The following RB1 variants were observed in gnomAD, a reference collection of about 807,000 sequenced individuals.
RB1 encodes RB transcriptional corepressor 1.
RB1 carries 18 observed loss-of-function variants against 135.4 expected under a neutral mutation model. That is an observed-to-expected ratio of 0.13 (90% CI 0.09 to 0.20). RB1 has a LOEUF of 0.20. Ranked by LOEUF, RB1 falls within the 10% of genes least tolerant of loss-of-function variation. The probability of loss-of-function intolerance (pLI) is 1.00; values close to 1 mark genes in which losing one functional copy is unlikely to be tolerated. For synonymous variants in RB1, 365 were observed against 373.2 expected, an observed-to-expected ratio of 0.98 and a Z score of 0.25; for missense variants, 868 against 1,110.0, an observed-to-expected ratio of 0.78 and a Z score of 3.10.
At chr13:48,432,554 C>T (rs1949141227) in intron 17 of RB1, among the ~76,000 whole-genome samples, 1 of 151,890 alleles carries the variant, frequency 6.6e-6, no homozygotes, top group Non-Finnish European at 1.5e-5. Context: ...CTTGTCTCTT[C>T]TCACCATTCG....
At position 48,319,676 on chromosome 13, in the gene RB1, G is replaced by C. The variant is rs1465802916; in HGVS notation, c.264+12270G>C. 1.6e-5 allele frequency: 4 copies of C among 252,970 alleles called. No individual in the cohort carries two copies. The highest frequency in any genetic ancestry group is 2.5e-5 in the Non-Finnish European group (3 of 122,084). The allele number at this position is 252,970 out of a possible 1,614,324, so 15.7% of individuals were successfully genotyped here. On this transcript the variant is annotated intron_variant, in intron 2 of 26. Transcript: ENST00000267163. This position sits in a 1 kb window ranked among gnomAD's most constrained non-coding sequence, Gnocchi z 5.0. ...GACCCTGCCGATGCGCCACCTTTGC[G>C]GCTAGCTCTTCGTGGGATTTCAAGA...
rs118072861 is a variant in RB1 at position 48,342,751 on chromosome 13, A to G, written c.380+37A>G. 7.9e-3 allele frequency: 10,982 copies of G among 1,386,562 alleles called. 66 individuals are homozygous for G. The highest frequency in any genetic ancestry group is 0.013 in the Middle Eastern group (69 of 5,476). The allele number at this position is 1,386,562 out of a possible 1,614,324, so 85.9% of individuals were successfully genotyped here. The stretch of plus-strand genomic sequence containing the variant: ...TGTATAAATATAAGCCTCTGCCATA[A>G]AAGGAAACGAATTCTGGATTTTCCT... On this transcript the variant is annotated intron_variant, in intron 3 of 26. Transcript: ENST00000267163.
At chr13:48,408,377 C>T (rs1355609787) in intron 17 of RB1, among the ~76,000 whole-genome samples, 1 of 151,914 alleles carries the variant, frequency 6.6e-6, no homozygotes, top group African/African-American at 2.4e-5. Flanking sequence ...AGCCATTTTT[C>T]CACACCTGAA....
intron 17 of RB1, among the ~76,000 whole-genome samples, chr13:48,422,241 A>C (rs1949017349): frequency 6.6e-6 from 1 of 152,176 alleles, no homozygotes; most frequent in Non-Finnish European, 1.5e-5. Flanking sequence ...GCTGGAAACC[A>C]TCACTTTCAG....
At position 48,307,426 on chromosome 13, in the gene RB1, G is replaced by A. The variant is rs200985890; in HGVS notation, c.264+20G>A. On this transcript the variant is annotated intron_variant, in intron 2 of 26. Transcript: ENST00000267163. Reference sequence around the variant, plus strand: ...GTATTGGTAAGGATTTTCTTAAAACGTTTTGAAATTTTTTTTTCTCATTTT... The same window carrying A: ...GTATTGGTAAGGATTTTCTTAAAACATTTTGAAATTTTTTTTTCTCATTTT... 51 of 1,609,134 alleles carry A rather than the reference G, an allele frequency of 3.2e-5. 1 individual carries two copies. The highest frequency in any genetic ancestry group is 2.5e-4 in the Admixed American group (15 of 59,548).
chr13:48,310,347 T>C (rs1593416238), intron 2 of RB1, among the ~76,000 whole-genome samples: 2 of 152,068 alleles, frequency 1.3e-5, no homozygotes, highest in Admixed American at 1.3e-4. Context: ...TTTTTAACAA[T>C]AGAAAGTAGG....
At chr13:48,343,893 T>C (rs1952469342) in intron 3 of RB1, among the ~76,000 whole-genome samples, 1 of 152,222 alleles carries the variant, frequency 6.6e-6, no homozygotes, top group South Asian at 2.1e-4. Flanking sequence ...TTCTGTATCA[T>C]AGGAACTTTA....
chr13:48,403,743 A>G (rs943760071), intron 17 of RB1, among the ~76,000 whole-genome samples: 4 of 152,138 alleles, frequency 2.6e-5, no homozygotes, highest in East Asian at 1.9e-4. Context: ...TATTTCTGAT[A>G]TGTTTCCAGG....
At chr13:48,435,488 G>T (rs1261989960) in intron 17 of RB1, among the ~76,000 whole-genome samples, 1 of 152,018 alleles carries the variant, frequency 6.6e-6, no homozygotes, top group Admixed American at 6.6e-5. Context: ...TAGATATGTG[G>T]TTAGCAAATA....
In RB1 at chr13:48,303,796, T is replaced by C. The variant is rs1055041788; in HGVS notation, c.-117T>C. The C allele has an allele frequency of 2.8e-6, 4 of 1,406,142 alleles. No homozygotes were observed. In the African/African-American group the frequency reaches 4.5e-5, roughly 16 times the overall value. 87.1% of individuals were successfully genotyped at this position (1,406,142 alleles called of 1,614,324 possible). On this transcript the variant is annotated 5_prime_UTR_variant, in exon 1 of 27. Coordinates refer to ENST00000267163, the MANE Select transcript of RB1 (RefSeq NM_000321.3). ...CGCGTCCGGTTTTTCTCAGGGGACG[T>C]TGAAATTATTTTTGTAACGGGAGTC... is the stretch of plus-strand genomic sequence containing the variant.
chr13:48,390,083 GC>G (rs1948599836), intron 17 of RB1, among the ~76,000 whole-genome samples: 1 of 152,090 alleles, frequency 6.6e-6, no homozygotes, highest in Admixed American at 6.5e-5. Flanking sequence ...GGATGTTAAG[GC>G]TGCAGTGAGC....
At chr13:48,317,677 G>A in intron 2 of RB1, 1 of 537,152 alleles carries the variant, frequency 1.9e-6, no homozygotes, top group Non-Finnish European at 2.8e-6. Flanking sequence ...GGTGCTCCTG[G>A]GCGGTGCCGG....
intron 2 of RB1, among the ~76,000 whole-genome samples, chr13:48,334,622 A>G (rs562697558): frequency 6.6e-6 from 1 of 152,344 alleles, no homozygotes; most frequent in African/African-American, 2.4e-5. Context: ...TAGATAGAAC[A>G]TTATTTTTAA....
chr13:48,450,732 T>A (rs185609139), intron 17 of RB1, among the ~76,000 whole-genome samples: 18 of 152,294 alleles, frequency 1.2e-4, no homozygotes, highest in Admixed American at 3.9e-4. Context: ...TCAATGGTAG[T>A]TTAATGGGAA....
intron 20 of RB1, among the ~76,000 whole-genome samples, chr13:48,462,100 G>A (rs1949409658): frequency 2.0e-5 from 3 of 151,788 alleles, no homozygotes; most frequent in Admixed American, 2.0e-4. Flanking sequence ...CAAAGTGCTG[G>A]GATTACAGGC....
intron 17 of RB1, among the ~76,000 whole-genome samples, chr13:48,421,267 C>T (rs1229400620): frequency 6.8e-6 from 1 of 147,388 alleles, no homozygotes; most frequent in Middle Eastern, 3.2e-3. Context: ...AAAGATGAGA[C>T]AAAGGATTCC....
chr13:48,323,294 A>C (rs183658551), intron 2 of RB1, among the ~76,000 whole-genome samples: 285 of 152,186 alleles, frequency 1.9e-3, no homozygotes, highest in Non-Finnish European at 2.5e-3. Context: ...TAAGTTACCT[A>C]GTTCATTGGC....
chr13:48,396,433 T>G (rs1948648987), intron 17 of RB1, among the ~76,000 whole-genome samples: 1 of 152,194 alleles, frequency 6.6e-6, no homozygotes, highest in South Asian at 2.1e-4. Context: ...TTGGGAAAAC[T>G]GACTAGCCAT....
At chr13:48,345,985 A>T (rs145702203) in intron 4 of RB1, among the ~76,000 whole-genome samples, 115 of 152,014 alleles carry the variant, frequency 7.6e-4, no homozygotes, top group Middle Eastern at 6.9e-3. Context: ...CTAAAACTTC[A>T]CAACTGTGGT....
Sources: gnomAD v4.1 joint callset for allele counts (sites outside exome capture counted in the v4.1 genomes callset) on GRCh38, gnomAD v4.1.1 for gene constraint, Gnocchi (gnomAD v3.1) non-coding constraint, MANE v1.5 for transcripts, NCBI Gene and HGNC (gene_info 2026-07-23, HGNC 2026-07-21) for gene names.